Variants in SLC23A2 observed in about 807,000 individuals in gnomAD.
The protein encoded by SLC23A2 is solute carrier family 23 member 2.
In SLC23A2, 36 loss-of-function variants were observed where a neutral mutation model predicts 73.3. The ratio of observed to expected loss-of-function variants is 0.49; its 90% CI spans 0.38 to 0.65. The LOEUF (loss-of-function observed/expected upper bound fraction) is 0.65. Among genes scored for constraint, SLC23A2 ranks in the 30% least tolerant of loss-of-function variants. SLC23A2 has a pLI of 0.00. For missense variants in SLC23A2, 507 were observed against 841.6 expected (o/e 0.60, Z 4.92); for synonymous variants, 343 against 327.3 (o/e 1.05, Z -0.52).
intron 3 of SLC23A2, among the ~76,000 whole-genome samples, chr20:4,924,955 CAGA>C (rs1442146194): frequency 6.6e-6 from 1 of 151,926 alleles, no homozygotes. Flanking sequence ...GAGGCTGAGG[CAGA>C]AGGATTGCTT....
chr20:5,009,722 C>T (rs1272190393), intron 1 of SLC23A2, among the ~76,000 whole-genome samples: 1 of 152,152 alleles, frequency 6.6e-6, no homozygotes, highest in Non-Finnish European at 1.5e-5. Flanking sequence ...GATTAACCCC[C>T]AGGGTTCTGG....
chr20:5,004,548 C>T (rs1289631249), upstream of SLC23A2, among the ~76,000 whole-genome samples: 1 of 152,086 alleles, frequency 6.6e-6, no homozygotes. Flanking sequence ...GCCTCCCAGT[C>T]AAAAGGATAA....
chr20:4,937,131 G>C (rs2086972463), intron 2 of SLC23A2, among the ~76,000 whole-genome samples: 1 of 152,220 alleles, frequency 6.6e-6, no homozygotes, highest in East Asian at 1.9e-4. Flanking sequence ...CAGAAAGTAT[G>C]CGACAACCCG....
intron 5 of SLC23A2, among the ~76,000 whole-genome samples, chr20:4,900,594 G>T (rs1180983622): frequency 6.6e-6 from 1 of 152,136 alleles, no homozygotes; most frequent in Non-Finnish European, 1.5e-5. Flanking sequence ...AGTTACATAC[G>T]CATGGAGTGT....
intron 2 of SLC23A2, among the ~76,000 whole-genome samples, chr20:4,970,428 C>T (rs1287293471): frequency 6.6e-6 from 1 of 152,084 alleles, no homozygotes; most frequent in African/African-American, 2.4e-5. Flanking sequence ...GCTGCCAGCC[C>T]AATTCTACCA....
chr20:4,966,887 A>G (rs1372723766), intron 2 of SLC23A2, among the ~76,000 whole-genome samples: 1 of 151,880 alleles, frequency 6.6e-6, no homozygotes, highest in Non-Finnish European at 1.5e-5. Flanking sequence ...AACATCAAAG[A>G]CAACCCTATT....
rs1293028886 is a variant in SLC23A2, at chr20:4,996,696, AAAAAAAAAAAAAAC to A, written c.-282+4696_-282+4709del. On this transcript the variant is annotated intron_variant, in intron 1 of 16. Transcript: ENST00000338244. Reference sequence around the variant, plus strand: ...GCAAGATTCCATCTCAAAAAAAAAAAAAAAAAAAAAAAACAACAACTCATGAGTGAAGATTTTCC... The same window carrying A: ...GCAAGATTCCATCTCAAAAAAAAAAAAACAACTCATGAGTGAAGATTTTCC... 3.9e-4 allele frequency among the ~76,000 whole-genome samples: 56 copies of A among 142,782 alleles called. 1 individual carries two copies. The highest frequency in any genetic ancestry group is 7.9e-4 in the Non-Finnish European group (51 of 64,208). 93.7% of individuals were successfully genotyped at this position (142,782 alleles called of 152,430 possible). A position where few individuals can be genotyped will look rare whatever the true frequency, so the allele number is the denominator to read the frequency against.
chr20:4,917,860 T>C (rs1401655798), intron 3 of SLC23A2, among the ~76,000 whole-genome samples: 1 of 152,214 alleles, frequency 6.6e-6, no homozygotes, highest in Non-Finnish European at 1.5e-5. Context: ...TGCAGGGGGC[T>C]GCCTAAATAG....
chr20:4,951,334 G>A (rs967538933), intron 2 of SLC23A2, among the ~76,000 whole-genome samples: 1 of 152,280 alleles, frequency 6.6e-6, no homozygotes, highest in South Asian at 2.1e-4. Flanking sequence ...TAACTCAGAA[G>A]TAAGCCAGAG....
Position 4,896,036 on chromosome 20 carries a change from C to CA in SLC23A2, c.482+3518dup, listed in dbSNP as rs3838044. On this transcript the variant is annotated intron_variant, in intron 6 of 16. Transcript: ENST00000338244. ...TAGCCTGGCCTCGTCTGGCCTAGCGCAAAGATGGGAACAGGAAGGGTGGAG... is the reference window on the plus strand; with the variant it reads ...TAGCCTGGCCTCGTCTGGCCTAGCGCAAAAGATGGGAACAGGAAGGGTGGAG... Among the ~76,000 whole-genome samples the CA allele has an allele frequency of 8.9e-4, 135 of 152,080 alleles. 1 individual carries two copies. In the East Asian group the frequency reaches 0.022, roughly 25 times the overall value.
At chr20:5,002,192 C>T (rs910335364), upstream of SLC23A2, among the ~76,000 whole-genome samples, 2 of 152,102 alleles carry the variant, frequency 1.3e-5, no homozygotes, top group African/African-American at 4.8e-5. Context: ...AAATCCCTGG[C>T]CCTCGGTCTT....
chr20:4,883,343 G>A lies in SLC23A2; in HGVS notation c.824+299C>T, dbSNP rs994558236. 2.6e-5 allele frequency among the ~76,000 whole-genome samples: 4 copies of A among 152,086 alleles called. No individual in the cohort carries two copies. The highest frequency in any genetic ancestry group is 9.7e-5 in the African/African-American group (4 of 41,400). On this transcript the variant is annotated intron_variant, in intron 9 of 16. Coordinates refer to ENST00000338244, the MANE Select transcript of SLC23A2 (RefSeq NM_005116.6). This position sits in a 1 kb window ranked among gnomAD's most constrained non-coding sequence, Gnocchi z 4.5. The stretch of plus-strand genomic sequence containing the variant: ...TGTCAACTCATGAACATGAGACTTG[G>A]CAAGACCTCAAAAGTCAAAAACAAA...
chr20:4,919,333 T>C (rs1932427963), intron 3 of SLC23A2, among the ~76,000 whole-genome samples: 1 of 152,220 alleles, frequency 6.6e-6, no homozygotes, highest in African/African-American at 2.4e-5. Context: ...TGGCTCAGCC[T>C]CCACCACTCG....
At chr20:4,905,431 G>A (rs956704322) in intron 4 of SLC23A2, among the ~76,000 whole-genome samples, 5 of 152,162 alleles carry the variant, frequency 3.3e-5, no homozygotes, top group African/African-American at 9.7e-5. Context: ...TGTAAACTAT[G>A]AGCTATTTTA....
At chr20:4,969,580 C>A (rs940959099) in intron 2 of SLC23A2, among the ~76,000 whole-genome samples, 1 of 137,342 alleles carries the variant, frequency 7.3e-6, no homozygotes. Flanking sequence ...TGACAGCATC[C>A]TTTTTTTTTT....
chr20:4,994,399 G>C (rs746429577), intron 1 of SLC23A2, among the ~76,000 whole-genome samples: 1 of 152,114 alleles, frequency 6.6e-6, no homozygotes, highest in Non-Finnish European at 1.5e-5. Context: ...TCTGCCTTTG[G>C]AGACAGGAAA....
chr20:4,889,776 T>C (rs1053305432), intron 6 of SLC23A2, among the ~76,000 whole-genome samples: 31 of 152,060 alleles, frequency 2.0e-4, no homozygotes, highest in Admixed American at 3.3e-4. Flanking sequence ...TGACCCACCA[T>C]GTATCCTCAG....
chr20:4,974,463 G>A (rs940083273), intron 1 of SLC23A2, among the ~76,000 whole-genome samples: 12 of 151,454 alleles, frequency 7.9e-5, no homozygotes, highest in South Asian at 6.3e-4. Flanking sequence ...GCGAAACTCC[G>A]TCTCAAAAAA....
rs563776501 is a variant in SLC23A2 at position 5,001,169 on chromosome 20, A to G, written c.-282+237T>C. Reference sequence around the variant, plus strand: ...CCGGGGGCCCGGCCCGGCCGGCAGAACGGCAGGAGCTGAGGGCCGCCGGGC... The same window carrying G: ...CCGGGGGCCCGGCCCGGCCGGCAGAGCGGCAGGAGCTGAGGGCCGCCGGGC... On this transcript the variant is annotated intron_variant, in intron 1 of 16. Coordinates refer to ENST00000338244, the MANE Select transcript of SLC23A2 (RefSeq NM_005116.6). Among the ~76,000 whole-genome samples, 1,091 of 147,504 alleles carry G rather than the reference A, an allele frequency of 7.4e-3. 10 individuals carry two copies. Among genetic ancestry groups the G allele is most frequent in the African/African-American group, 0.024 (993 of 40,646 alleles).
Sources: gnomAD v4.1 joint callset for allele counts (sites outside exome capture counted in the v4.1 genomes callset) on GRCh38, gnomAD v4.1.1 for gene constraint, Gnocchi (gnomAD v3.1) non-coding constraint, MANE v1.5 for transcripts, NCBI Gene and HGNC (gene_info 2026-07-23, HGNC 2026-07-21) for gene names.